Variants in ELF2 observed in about 807,000 individuals in gnomAD.
ELF2 encodes E74 like ETS transcription factor 2, also known as ETS-related transcription factor Elf-2.
ELF2 carries 11 observed loss-of-function variants against 54.8 expected under a neutral mutation model. The observed-to-expected ratio is 0.20, with a 90% CI of 0.13 to 0.33. The LOEUF is 0.33. Among genes scored for constraint, ELF2 ranks in the 10% least tolerant of loss-of-function variants. The pLI is 1.00. For missense variants in ELF2, 513 were observed against 703.0 expected (o/e 0.73, Z 3.06); for synonymous variants, 203 against 245.1 (o/e 0.83, Z 1.61).
chr4:139,142,981 G>T (rs1185911932), intron 1 of ELF2, among the ~76,000 whole-genome samples: 5 of 152,108 alleles, frequency 3.3e-5, no homozygotes, highest in Admixed American at 2.6e-4. Flanking sequence ...AGTCAAGAAT[G>T]AATCCAGGCT....
intron 8 of ELF2, 106 bp downstream of exon 8, chr4:139,061,759 C>A: frequency 7.5e-7 from 1 of 1,337,574 alleles, no homozygotes; most frequent in South Asian, 1.5e-5. Flanking sequence ...GAATATCCCC[C>A]AAAGTTAAAA....
At chr4:139,169,304 C>T (rs191794795) in intron 1 of ELF2, among the ~76,000 whole-genome samples, 119 of 147,308 alleles carry the variant, frequency 8.1e-4, no homozygotes, top group East Asian at 3.0e-3. Flanking sequence ...GCCGAGATCG[C>T]ACCACTGCAC....
intron 1 of ELF2, chr4:139,155,119 T>C (rs1740397523): frequency 6.6e-6 from 1 of 152,244 alleles, no homozygotes; most frequent in South Asian, 2.1e-4. Context: ...TGTATTACAC[T>C]GCTAAAGCTT....
chr4:139,138,838 T>C (rs983999349), intron 2 of ELF2, among the ~76,000 whole-genome samples: 2 of 152,230 alleles, frequency 1.3e-5, no homozygotes, highest in African/African-American at 4.8e-5. Context: ...AGTTCTATCA[T>C]ACTTTCCTCA....
intron 1 of ELF2, among the ~76,000 whole-genome samples, chr4:139,172,793 C>T (rs906936992): frequency 7.5e-6 from 1 of 133,980 alleles, no homozygotes; most frequent in African/African-American, 2.8e-5. Context: ...CCTAGGTATA[C>T]AGATACAGAA....
chr4:139,166,070 GCT>G (rs1560889392), intron 1 of ELF2, among the ~76,000 whole-genome samples: 1 of 152,176 alleles, frequency 6.6e-6, no homozygotes, highest in African/African-American at 2.4e-5. Context: ...GGGCATGGTG[GCT>G]CACGCCTGTA....
chr4:139,097,462 C>A (rs910181229), intron 4 of ELF2, among the ~76,000 whole-genome samples: 23 of 152,040 alleles, frequency 1.5e-4, no homozygotes, highest in African/African-American at 4.6e-4. Context: ...ACTAAAAATA[C>A]AAAAATTAGC....
intron 4 of ELF2, chr4:139,084,469 T>TGTGGCG (rs1177376413): frequency 3.7e-6 from 4 of 1,072,332 alleles, no homozygotes; most frequent in Non-Finnish European, 4.6e-6. Flanking sequence ...CGGCTGTGGC[T>TGTGGCG]GTGGCGGCCG....
upstream of ELF2, among the ~76,000 whole-genome samples, chr4:139,177,525 C>G (rs562424193): frequency 5.3e-5 from 8 of 152,074 alleles, no homozygotes; most frequent in South Asian, 1.7e-3. Context: ...CCTCGCCCAA[C>G]TTCTCCCAAA....
chr4:139,077,380 CTTTG>C (rs1473041072), intron 4 of ELF2, among the ~76,000 whole-genome samples: 2 of 152,086 alleles, frequency 1.3e-5, no homozygotes, highest in Non-Finnish European at 1.5e-5. Flanking sequence ...AATAAACTTA[CTTTG>C]TAAGTTACAA....
At chr4:139,151,837 A>G (rs1415092558) in intron 1 of ELF2, among the ~76,000 whole-genome samples, 1 of 152,228 alleles carries the variant, frequency 6.6e-6, no homozygotes, top group African/African-American at 2.4e-5. Context: ...CCCTTTGACA[A>G]ATTCTCTTTT....
intron 4 of ELF2, among the ~76,000 whole-genome samples, chr4:139,098,523 C>T (rs562078693): frequency 6.7e-6 from 1 of 149,794 alleles, no homozygotes; most frequent in South Asian, 2.1e-4. Context: ...GGCTGGAGTG[C>T]AGTGGCACGA....
intron 3 of ELF2, chr4:139,137,188 A>C (rs972566297): frequency 8.3e-5 from 13 of 156,132 alleles, no homozygotes; most frequent in Non-Finnish European, 1.7e-4. Context: ...AATGAGATTA[A>C]AATACAATGG....
At position 139,125,351 on chromosome 4, in the gene ELF2, A is replaced by G. The variant is rs765377004; in HGVS notation, c.73-22T>C. The G allele has an allele frequency of 1.1e-5, 18 of 1,601,370 alleles. No homozygotes were observed. In the South Asian group the frequency reaches 2.0e-4, roughly 18 times the overall value. ...TTTCCTATAAGAGCAAATTTAAAGAACAATCAACCTTTGTATTTACAAATT... is the reference window on the plus strand; with the variant it reads ...TTTCCTATAAGAGCAAATTTAAAGAGCAATCAACCTTTGTATTTACAAATT... On this transcript the variant is annotated intron_variant, in intron 3 of 9. Coordinates refer to ENST00000686138, the MANE Select transcript of ELF2 (RefSeq NM_001331036.3).
At chr4:139,144,652 A>G (rs1273267146) in intron 1 of ELF2, among the ~76,000 whole-genome samples, 3 of 152,158 alleles carry the variant, frequency 2.0e-5, no homozygotes, top group Non-Finnish European at 4.4e-5. Context: ...CTGCTAGTGA[A>G]CACTCTGAGT....
intron 4 of ELF2, among the ~76,000 whole-genome samples, chr4:139,121,368 A>C (rs1280191334): frequency 1.3e-5 from 2 of 151,928 alleles, no homozygotes; most frequent in Non-Finnish European, 2.9e-5. Flanking sequence ...TTGGCCTCCG[A>C]AAGTGCTGGG....
intron 6 of ELF2, among the ~76,000 whole-genome samples, chr4:139,067,993 G>C (rs548418197): frequency 6.6e-6 from 1 of 151,558 alleles, no homozygotes. Context: ...GCAGAGCCTC[G>C]ATTGCCATAT....
chr4:139,127,274 C>T (rs1737016641), intron 3 of ELF2, among the ~76,000 whole-genome samples: 1 of 152,128 alleles, frequency 6.6e-6, no homozygotes, highest in Admixed American at 6.6e-5. Flanking sequence ...TGACCATATA[C>T]CTCCTGAACA....
intron 4 of ELF2, chr4:139,084,560 T>G (rs1454862778): frequency 2.5e-6 from 1 of 398,054 alleles, no homozygotes; most frequent in African/African-American, 2.1e-5. Flanking sequence ...GGCCGCAGCC[T>G]GCGGCGAGAG....
Sources: allele counts gnomAD v4.1 joint callset (sites outside exome capture counted in the v4.1 genomes callset), GRCh38; gene constraint gnomAD v4.1.1; transcripts MANE v1.5; gene names NCBI Gene and HGNC (gene_info 2026-07-23, HGNC 2026-07-21).